The following GIGYF1 variants were observed in gnomAD, a reference collection of about 807,000 sequenced individuals.
The protein encoded by GIGYF1 is GRB10 interacting GYF protein 1, also known as GRB10-interacting GYF protein 1.
GIGYF1 carries 84 observed loss-of-function variants against 147.1 expected under a neutral mutation model. The ratio of observed to expected loss-of-function variants is 0.57; its 90% CI spans 0.48 to 0.68. The LOEUF (loss-of-function observed/expected upper bound fraction) is 0.68, where lower values mean the gene tolerates loss of function less well. Among genes scored for constraint, GIGYF1 ranks in the 30% least tolerant of loss-of-function variants. The probability of loss-of-function intolerance (pLI) is 0.00; values close to 1 mark genes in which losing one functional copy is unlikely to be tolerated. For synonymous variants in GIGYF1, 752 were observed against 589.5 expected (o/e 1.28, Z -3.99); for missense variants, 1,485 against 1,393.7 (o/e 1.07, Z -1.04).
rs917109182 is a variant in GIGYF1, at chr7:100,689,027, C to T, written c.-570G>A. The T allele has an allele frequency of 6.6e-6, 1 of 152,646 alleles. No homozygotes were observed. Among genetic ancestry groups the T allele is most frequent in the Non-Finnish European group, 1.5e-5 (1 of 68,318 alleles). 9.5% of individuals were successfully genotyped at this position (152,646 alleles called of 1,614,324 possible). ...ACGGAGAAAAGGATTAGAAATAAAT[C>T]TAGGAGCAAAATTCTTTCCCTCATG... On this transcript the variant is annotated 5_prime_UTR_variant, in exon 2 of 27. Coordinates refer to ENST00000678049, the MANE Select transcript of GIGYF1 (RefSeq NM_001375765.1).
At position 100,683,072 on chromosome 7, in the gene GIGYF1, C is replaced by T. The variant is rs1287555769; in HGVS notation, c.2352G>A (p.Gln784=). 3 of 1,579,946 alleles carry T rather than the reference C, an allele frequency of 1.9e-6. No individual in the cohort carries two copies. Among genetic ancestry groups the T allele is most frequent in the Non-Finnish European group, 2.6e-6 (3 of 1,169,282 alleles). Residue 784 remains glutamine (Q), a synonymous_variant, in exon 22 of 27, where the codon CAG becomes CAA. Coordinates refer to ENST00000678049, the MANE Select transcript of GIGYF1 (RefSeq NM_001375765.1). ...CCCGAGGTGGGGGCTGTTTGTGCAG[C>T]TGCCGCTCGCCCTCCAGCTGCAACT... The part of the protein sequence containing the change: ...LLELQLEGER[Q]LHKQPPPREP...
chr7:100,687,901 C>G lies in GIGYF1; in HGVS notation c.166-18G>C. 1 of 1,613,620 alleles carries G rather than the reference C, an allele frequency of 6.2e-7. No individual in the cohort carries two copies. Among genetic ancestry groups the G allele is most frequent in the Non-Finnish European group, 8.5e-7 (1 of 1,179,888 alleles). On this transcript the variant is annotated intron_variant, in intron 5 of 26. Transcript: ENST00000678049. ...TCCGGGACCTGGCAGTGGGTTGGGA[C>G]AGCCAAGACACCACATGCTGCCAGA...
In GIGYF1 at chr7:100,688,618, G is replaced by A. The variant is rs1460902271; in HGVS notation, c.-161C>T. 7 of 490,460 alleles carry A rather than the reference G, an allele frequency of 1.4e-5. No homozygotes were observed. The highest frequency in any genetic ancestry group is 2.8e-5 in the Non-Finnish European group (7 of 251,476). 30.4% of individuals were successfully genotyped at this position (490,460 alleles called of 1,614,324 possible). ...TGGCAGCCTGGCCCGGGAAGAAGGAGGGCAGGGGCTGGTGCTGGAGTGAAC... is the reference window on the plus strand; with the variant it reads ...TGGCAGCCTGGCCCGGGAAGAAGGAAGGCAGGGGCTGGTGCTGGAGTGAAC... On this transcript the variant is annotated 5_prime_UTR_variant, in exon 2 of 27. Coordinates refer to ENST00000678049, the MANE Select transcript of GIGYF1 (RefSeq NM_001375765.1).
At position 100,686,817 on chromosome 7, in the gene GIGYF1, G is replaced by A. The variant is rs1360915588; in HGVS notation, c.526C>T (p.Arg176Ter). ...FEKSARRDGARCGFEEGGAGP... is the reference protein window; with the variant it reads ...FEKSARRDGA Reference sequence around the variant, plus strand: ...GCCCCTCCCTCCTCAAAGCCACATCGTGCTGGGAGACGGGAAGACAGGGGC... The same window carrying A: ...GCCCCTCCCTCCTCAAAGCCACATCATGCTGGGAGACGGGAAGACAGGGGC... The change falls in exon 10 of 27, where the codon CGA (arginine) becomes TGA (stop). Residue 176 changes from arginine to a stop codon, truncating the protein, a stop_gained and splice_region_variant. Coordinates refer to ENST00000678049, the MANE Select transcript of GIGYF1 (RefSeq NM_001375765.1). LOFTEE classifies it high-confidence loss of function. The A allele has an allele frequency of 6.2e-7, 1 of 1,613,714 alleles. No individual in the cohort carries two copies. Among genetic ancestry groups the A allele is most frequent in the Non-Finnish European group, 8.5e-7 (1 of 1,179,858 alleles).
intron 9 of GIGYF1, 30 bp from the exon 10 acceptor site, chr7:100,686,849 T>C (rs748870664): frequency 2.5e-6 from 4 of 1,610,826 alleles, no homozygotes; most frequent in Middle Eastern, 1.7e-4. Flanking sequence ...GGGCAGTTAT[T>C]AGAAAGGCAG....
intron 12 of GIGYF1, 126 bp downstream of exon 12, chr7:100,685,847 AG>A: frequency 1.3e-6 from 1 of 740,816 alleles, no homozygotes; most frequent in Non-Finnish European, 2.2e-6. Flanking sequence ...CCCACCTCTC[AG>A]CACTCTTCTT....
At chr7:100,691,328 A>T (rs1009148287) in intron 1 of GIGYF1, among the ~76,000 whole-genome samples, 3 of 152,152 alleles carry the variant, frequency 2.0e-5, no homozygotes, top group African/African-American at 7.2e-5. Flanking sequence ...CCTCTGCGCC[A>T]CGAGCATGGG....
In GIGYF1 at chr7:100,684,102, G is replaced by A; in HGVS notation, c.1786C>T (p.Pro596Ser). ...TGCTGTGGCGGCGGCGGTGGTGGCG[G>A]TGTCAGGTCCCCCAGAGCTGCCTTT... ...REKAALGDLT[P>S]PPPPPPQQQQ... Residue 596 changes from proline to serine, a missense_variant, in exon 18 of 27, where the codon CCG becomes TCG. By Grantham distance (74) the Pro-to-Ser change is moderately conservative (BLOSUM62 -1). Transcript: ENST00000678049. 1 of 1,607,786 alleles carries A rather than the reference G, an allele frequency of 6.2e-7. No individual in the cohort carries two copies. Among genetic ancestry groups the A allele is most frequent in the South Asian group, 1.1e-5 (1 of 91,010 alleles).
intron 18 of GIGYF1, 44 bp downstream of exon 18, chr7:100,683,976 C>T (rs1364425043): frequency 1.0e-6 from 1 of 970,134 alleles, no homozygotes; most frequent in Non-Finnish European, 1.5e-6. Flanking sequence ...CTGCCCCCAT[C>T]CCCCCCCCAC....
chr7:100,684,987 G>C, intron 14 of GIGYF1, 62 bp downstream of exon 14: 3 of 1,561,954 alleles, frequency 1.9e-6, no homozygotes, highest in Non-Finnish European at 2.6e-6. Flanking sequence ...GGCCGGGGCT[G>C]GGGCCAAGCA....
At chr7:100,691,720 CA>C (rs1322505356) in intron 1 of GIGYF1, among the ~76,000 whole-genome samples, 1 of 152,104 alleles carries the variant, frequency 6.6e-6, no homozygotes, top group Non-Finnish European at 1.5e-5. Context: ...GCCCTGCCCT[CA>C]AGCCTCGGCC....
rs1455869480 is a variant in GIGYF1 at position 100,687,525 on chromosome 7, C to G, written c.353G>C (p.Arg118Thr). ...GPPLAGTSRG[R>T]GSTRSRGRGR... ...TCTACCTCGGCTCCGCGTGCTGCCC[C>G]TGCCTCGGGAGGTGCCAGCCAGGGG... is the stretch of plus-strand genomic sequence containing the variant. The change falls in exon 7 of 27, where the codon AGG (arginine) becomes ACG (threonine). Residue 118 changes from arginine to threonine, a missense_variant. Arg to Thr is a moderately conservative substitution (Grantham distance 71). Coordinates refer to ENST00000678049, the MANE Select transcript of GIGYF1 (RefSeq NM_001375765.1). 1.9e-6 allele frequency: 3 copies of G among 1,612,146 alleles called. No homozygotes were observed. The highest frequency in any genetic ancestry group is 2.5e-6 in the Non-Finnish European group (3 of 1,179,602).
rs1439417614 is a variant in GIGYF1 at position 100,681,922 on chromosome 7, C to T, written c.2997G>A (p.Gly999=). 2 of 1,610,728 alleles carry T rather than the reference C, an allele frequency of 1.2e-6. No homozygotes were observed. The highest frequency in any genetic ancestry group is 2.2e-5 in the South Asian group (2 of 91,082). Residue 999 remains glycine (G), a synonymous_variant, in exon 26 of 27, where the codon GGG becomes GGA. Coordinates refer to ENST00000678049, the MANE Select transcript of GIGYF1 (RefSeq NM_001375765.1). ...CCCGCCTCTTGGCCTTGCTGCCCTC[C>T]CCGGGGCCGAGTTTGGTGCTGTGGT... The part of the protein sequence containing the change: ...QANHSTKLGP[G]EGSKAKRRAL...
intron 16 of GIGYF1, 40 bp from the exon 17 acceptor site, chr7:100,684,377 G>A: frequency 6.3e-7 from 1 of 1,598,972 alleles, no homozygotes; most frequent in Non-Finnish European, 8.5e-7. Context: ...CCAGCAGGGA[G>A]GAGGGGACTC....
Position 100,683,109 on chromosome 7 carries a change from T to C in GIGYF1, c.2315A>G (p.Lys772Arg). 1 of 1,593,194 alleles carries C rather than the reference T, an allele frequency of 6.3e-7. No individual in the cohort carries two copies. The highest frequency in any genetic ancestry group is 1.1e-5 in the South Asian group (1 of 90,056). ...CTCCAGCTGCAACTCCAGGAGCGTC[T>C]TCATGGACAGCCCCTGCTTGGCCAG... ...AGLAKQGLSMKTLLELQLEGE... is the reference protein window; with the variant it reads ...AGLAKQGLSMRTLLELQLEGE... The change falls in exon 22 of 27, where the codon AAG (lysine) becomes AGG (arginine). Residue 772 changes from lysine (K) to arginine (R), a missense_variant. Physicochemically the swap from Lys to Arg is conservative, Grantham distance 26. Transcript: ENST00000678049.
chr7:100,686,323 C>G lies in GIGYF1; in HGVS notation c.805G>C (p.Gly269Arg), dbSNP rs768989051. 12 of 1,613,734 alleles carry G rather than the reference C, an allele frequency of 7.4e-6. No individual in the cohort carries two copies. In the East Asian group the frequency reaches 2.7e-4, roughly 36 times the overall value. Residue 269 changes from glycine (G) to arginine (R), a missense_variant, in exon 11 of 27, where the codon GGG becomes CGG. Physicochemically the swap from Gly to Arg is moderately radical, Grantham distance 125 (BLOSUM62 -2). Coordinates refer to ENST00000678049, the MANE Select transcript of GIGYF1 (RefSeq NM_001375765.1). ...CGCCGCAGGTGAGAGCTGCCTCCCC[C>G]TCCCCGCCCCTCCTCTTCACCACAC... ...GGCGEEEGRG[G>R]GGSSHLRRCR... is the part of the protein sequence containing the mutation.
At chr7:100,687,956 C>CA (rs1337242335) in intron 5 of GIGYF1, 25 bp downstream of exon 5, 2 of 1,609,526 alleles carry the variant, frequency 1.2e-6, no homozygotes, top group South Asian at 1.1e-5. Flanking sequence ...CCACCACCGC[C>CA]AACCCCCCTC....
chr7:100,687,554 G>A lies in GIGYF1; in HGVS notation c.324C>T (p.Gly108=), dbSNP rs780933022. ...CTCGGGAGGTGCCAGCCAGGGGGGG[G>A]CCAGCCCCTTTCCCCATCAGCCTCA... is the stretch of plus-strand genomic sequence containing the variant. ...AVLRLMGKGA[G]PPLAGTSRGR... Residue 108 remains glycine, a synonymous_variant, in exon 7 of 27, where the codon GGC becomes GGT. Coordinates refer to ENST00000678049, the MANE Select transcript of GIGYF1 (RefSeq NM_001375765.1). The A allele has an allele frequency of 6.2e-7, 1 of 1,612,528 alleles. No individual in the cohort carries two copies. Among genetic ancestry groups the A allele is most frequent in the Admixed American group, 1.7e-5 (1 of 59,982 alleles).
rs777513523 is a variant in GIGYF1, at chr7:100,687,410, G to C, written c.374-4C>G. On this transcript the variant is annotated splice_region_variant and splice_polypyrimidine_tract_variant and intron_variant, in intron 7 of 26. Transcript: ENST00000678049. ...CAGCTGTCACCACGGCCGCGGCCTAGAGAAGAGGCCAGACGCACAATGAAA... is the reference window on the plus strand; with the variant it reads ...CAGCTGTCACCACGGCCGCGGCCTACAGAAGAGGCCAGACGCACAATGAAA... 1.2e-5 allele frequency: 20 copies of C among 1,613,114 alleles called. No individual in the cohort carries two copies. Among genetic ancestry groups the C allele is most frequent in the Non-Finnish European group, 1.6e-5 (19 of 1,179,776 alleles).
Sources: allele counts gnomAD v4.1 joint callset (sites outside exome capture counted in the v4.1 genomes callset), GRCh38; gene constraint gnomAD v4.1.1; transcripts MANE v1.5; gene names NCBI Gene and HGNC (gene_info 2026-07-23, HGNC 2026-07-21).